The following FUNDC2 variants were observed in gnomAD, a reference collection of about 807,000 sequenced individuals.
The protein encoded by FUNDC2 is FUN14 domain-containing protein 2.
A neutral mutation model predicts 15.6 loss-of-function variants in FUNDC2; 4 were observed. That is an observed-to-expected ratio of 0.26 (90% confidence interval 0.13 to 0.59). The LOEUF is 0.59. Among genes scored for constraint, FUNDC2 ranks in the 20% least tolerant of loss-of-function variants. The pLI, the probability that FUNDC2 is intolerant of heterozygous loss-of-function variation, is 0.90. For synonymous variants in FUNDC2, 44 were observed against 56.9 expected (o/e 0.77, Z 1.02); for missense variants, 98 against 149.7 (o/e 0.65, Z 1.80).
Position 155,057,007 on chromosome X carries a change from A to G in FUNDC2, c.*2335A>G, listed in dbSNP as rs2073903471. On this transcript the variant is annotated 3_prime_UTR_variant, in exon 5 of 5. Transcript: ENST00000369498. ...GGCTGCCTCTACGACTGTGAGGGTC[A>G]TGGTTGAGGTCAGTATTGCAGGTTG... The G allele has an allele frequency of 9.4e-6, 1 of 106,907 alleles. No homozygotes were observed. Among genetic ancestry groups the G allele is most frequent in the Non-Finnish European group, 2.0e-5 (1 of 50,649 alleles). The allele number at this position is 106,907 out of a possible 1,213,427, so 8.8% of individuals were successfully genotyped here. A position where few individuals can be genotyped will look rare whatever the true frequency, so the allele number is the denominator to read the frequency against.
intron 2 of FUNDC2, among the ~76,000 whole-genome samples, chrX:155,045,469 A>G (rs1322043686): frequency 8.9e-6 from 1 of 112,348 alleles, no homozygotes; most frequent in Non-Finnish European, 1.9e-5. Context: ...TAAACCTCAA[A>G]TATACACAAT....
intron 1 of FUNDC2, among the ~76,000 whole-genome samples, chrX:155,031,740 A>G (rs1361663671): frequency 8.9e-6 from 1 of 112,487 alleles, no homozygotes; most frequent in Non-Finnish European, 1.9e-5. Flanking sequence ...AAGATTGTAC[A>G]CACTCCATGC....
intron 1 of FUNDC2, 113 bp downstream of exon 1, chrX:155,027,184 C>G: frequency 3.5e-6 from 3 of 850,160 alleles, no homozygotes; most frequent in East Asian, 4.4e-5. Flanking sequence ...GGAGTCCAAG[C>G]GGCGCGGGGA....
chrX:155,051,780 G>A lies in FUNDC2; in HGVS notation c.471G>A (p.Glu157=). 8.3e-7 allele frequency: 1 copy of A among 1,211,552 alleles called. No homozygotes were observed. The highest frequency in any genetic ancestry group is 1.1e-6 in the Non-Finnish European group (1 of 895,127). ...KIRKSNQIPT[E]VRSKAEEVVS... ...GTAAGAGCAATCAGATACCTACTGA[G>A]GTCAGGAGCAAAGCTGAGGAGGTGA... Residue 157 remains glutamate, a synonymous_variant, in exon 4 of 5, where the codon GAG becomes GAA. Coordinates refer to ENST00000369498, the MANE Select transcript of FUNDC2 (RefSeq NM_023934.4).
chrX:155,031,952 AT>A (rs2073816272), intron 1 of FUNDC2, among the ~76,000 whole-genome samples: 1 of 105,531 alleles, frequency 9.5e-6, no homozygotes, highest in South Asian at 4.4e-4. Flanking sequence ...TGGGCAAATC[AT>A]TTAACTTTGG....
At position 155,059,186 on chromosome X, in the gene FUNDC2, G is replaced by C. The variant is rs2073918766; in HGVS notation, c.*4514G>C. 1 of 112,461 alleles carries C rather than the reference G, an allele frequency of 8.9e-6. No individual in the cohort carries two copies. The highest frequency in any genetic ancestry group is 9.4e-5 in the Admixed American group (1 of 10,661). 9.3% of individuals were successfully genotyped at this position (112,461 alleles called of 1,213,427 possible). A position where few individuals can be genotyped will look rare whatever the true frequency, so the allele number is the denominator to read the frequency against. On this transcript the variant is annotated 3_prime_UTR_variant, in exon 5 of 5. Transcript: ENST00000369498. ...AAGAGTTTTGCTGTTAACTCCTTAA[G>C]AGGGCTTTAAAGCCTTTTATATTAA...
intron 1 of FUNDC2, among the ~76,000 whole-genome samples, chrX:155,031,803 T>C (rs1272242582): frequency 2.7e-5 from 3 of 112,037 alleles, no homozygotes; most frequent in Non-Finnish European, 5.6e-5. Flanking sequence ...CTTTGAATAG[T>C]ACATTGCTGA....
At position 155,057,037 on chromosome X, in the gene FUNDC2, CAT is replaced by C. The variant is rs2073906303; in HGVS notation, c.*2366_*2367del. 1.0e-5 allele frequency: 1 copy of C among 95,562 alleles called. No homozygotes were observed. The highest frequency in any genetic ancestry group is 2.2e-5 in the Non-Finnish European group (1 of 44,724). The allele number at this position is 95,562 out of a possible 1,213,427, so 7.9% of individuals were successfully genotyped here. A position where few individuals can be genotyped will look rare whatever the true frequency, so the allele number is the denominator to read the frequency against. On this transcript the variant is annotated 3_prime_UTR_variant, in exon 5 of 5. Transcript: ENST00000369498. ...TGAGGTCAGTATTGCAGGTTGGCCT[CAT>C]CCTGCTAGTATGAGAACGGCTGTGA...
At chrX:155,046,712 C>A in intron 3 of FUNDC2, 128 bp downstream of exon 3, 1 of 519,091 alleles carries the variant, frequency 1.9e-6, no homozygotes. Flanking sequence ...TTTTCATGTA[C>A]TATTTTAAAT....
At position 155,051,586 on chromosome X, in the gene FUNDC2, G is replaced by C; in HGVS notation, c.361-84G>C. 20 of 1,035,450 alleles carry C rather than the reference G, an allele frequency of 1.9e-5. No individual in the cohort carries two copies. The South Asian group carries it at 4.1e-4, about 21-fold the overall frequency. The allele number at this position is 1,035,450 out of a possible 1,213,427, so 85.3% of individuals were successfully genotyped here. The stretch of plus-strand genomic sequence containing the variant: ...AAAATGGAAAGTCAGAGGGTTTCGA[G>C]AGTCTACTTCAGGATTTATCCTGAC... On this transcript the variant is annotated intron_variant, in intron 3 of 4. Transcript: ENST00000369498.
In FUNDC2 at chrX:155,055,443, A is replaced by T; in HGVS notation, c.*771A>T. ...ATAACTCCTCTGTGCCACTTCTACT[A>T]TTTTTTTTTTTAATCTAGTTAGTAT... On this transcript the variant is annotated 3_prime_UTR_variant, in exon 5 of 5. Coordinates refer to ENST00000369498, the MANE Select transcript of FUNDC2 (RefSeq NM_023934.4). The T allele has an allele frequency of 5.2e-6, 1 of 192,612 alleles. No homozygotes were observed. The allele number at this position is 192,612 out of a possible 1,213,427, so 15.9% of individuals were successfully genotyped here.
chrX:155,054,494 G>T, intron 4 of FUNDC2, 101 bp from the exon 5 acceptor site: 1 of 1,171,720 alleles, frequency 8.5e-7, no homozygotes. Flanking sequence ...ACCGATGAGG[G>T]GATTGACATT....
In FUNDC2 at chrX:155,042,175, C is replaced by CTTTTTTTTTTTTTTTTTTTT. The variant is rs1175079092; in HGVS notation, c.285-4324_285-4305dup. 3.6e-4 allele frequency among the ~76,000 whole-genome samples: 14 copies of CTTTTTTTTTTTTTTTTTTTT among 39,200 alleles called. 2 individuals carry two copies. Among genetic ancestry groups the CTTTTTTTTTTTTTTTTTTTT allele is most frequent in the African/African-American group, 6.5e-4 (5 of 7,643 alleles). The allele number at this position is 39,200 out of a possible 115,157, so 34.0% of individuals were successfully genotyped here. A position where few individuals can be genotyped will look rare whatever the true frequency, so the allele number is the denominator to read the frequency against. On this transcript the variant is annotated intron_variant, in intron 2 of 4. Transcript: ENST00000369498. ...CCTTGCTATAGTTTTCTTTTTCTAT[C>CTTTTTTTTTTTTTTTTTTTT]TTTTTTTTTTTTTTTTTTTTTTTTT...
At chrX:155,041,278 C>T (rs944733317) in intron 2 of FUNDC2, among the ~76,000 whole-genome samples, 1 of 111,818 alleles carries the variant, frequency 8.9e-6, no homozygotes, top group Non-Finnish European at 1.9e-5. Context: ...TCCATTTTCC[C>T]CTTCCCCCTT....
At chrX:155,037,911 T>C (rs2073836543) in intron 2 of FUNDC2, among the ~76,000 whole-genome samples, 1 of 111,432 alleles carries the variant, frequency 9.0e-6, no homozygotes, top group Admixed American at 9.6e-5. Context: ...AAGTTTATTT[T>C]TAAAATTCTT....
intron 2 of FUNDC2, among the ~76,000 whole-genome samples, chrX:155,041,378 G>C (rs782295437): frequency 4.0e-4 from 44 of 111,374 alleles, no homozygotes; most frequent in African/African-American, 1.4e-3. Flanking sequence ...AATTTTTATA[G>C]TTTTTAATAA....
intron 2 of FUNDC2, among the ~76,000 whole-genome samples, chrX:155,043,765 C>G (rs1250820976): frequency 8.9e-6 from 1 of 112,437 alleles, no homozygotes; most frequent in Admixed American, 9.4e-5. Context: ...CATTTATTTA[C>G]TGGTCCTACC....
rs1162000008 is a variant in FUNDC2, at chrX:155,054,480, C to T, written c.493-115C>T. On this transcript the variant is annotated intron_variant, in intron 4 of 4. Coordinates refer to ENST00000369498, the MANE Select transcript of FUNDC2 (RefSeq NM_023934.4). ...TGCCCTTTGGGTAAAGTGCAAATTACGTAACCGATGAGGGGATTGACATTG... is the reference window on the plus strand; with the variant it reads ...TGCCCTTTGGGTAAAGTGCAAATTATGTAACCGATGAGGGGATTGACATTG... 75 of 1,142,791 alleles carry T rather than the reference C, an allele frequency of 6.6e-5. No homozygotes were observed. In the East Asian group the frequency reaches 8.4e-4, roughly 13 times the overall value. The allele number at this position is 1,142,791 out of a possible 1,213,427, so 94.2% of individuals were successfully genotyped here. A position where few individuals can be genotyped will look rare whatever the true frequency, so the allele number is the denominator to read the frequency against.
At chrX:155,053,057 C>T (rs2073883613) in intron 4 of FUNDC2, among the ~76,000 whole-genome samples, 4 of 111,847 alleles carry the variant, frequency 3.6e-5, no homozygotes, top group South Asian at 7.5e-4. Flanking sequence ...TTTGGAGAGA[C>T]AGGGTCTCCC....
Sources: allele counts gnomAD v4.1 joint callset (sites outside exome capture counted in the v4.1 genomes callset), GRCh38; gene constraint gnomAD v4.1.1; transcripts MANE v1.5; gene names NCBI Gene and HGNC (gene_info 2026-07-23, HGNC 2026-07-21).